ARHGEF3: variants seen among roughly 807,000 people sequenced by gnomAD.
The protein encoded by ARHGEF3 is 59.8 kDA protein.
Under a neutral mutation model 63.2 loss-of-function variants are expected in ARHGEF3, and 28 were observed. The observed-to-expected ratio is 0.44, with a 90% CI of 0.33 to 0.61. The LOEUF is 0.61. Among genes scored for constraint, ARHGEF3 ranks in the 20% least tolerant of loss-of-function variants. The pLI is 0.03. For missense variants in ARHGEF3, 533 were observed against 659.3 expected (o/e 0.81, Z 2.10); for synonymous variants, 266 against 254.2 (o/e 1.05, Z -0.44).
At chr3:56,915,084 G>C (rs1387294816) in intron 3 of ARHGEF3, among the ~76,000 whole-genome samples, 1 of 152,128 alleles carries the variant, frequency 6.6e-6, no homozygotes, top group East Asian at 1.9e-4. Flanking sequence ...GCTGGAATTA[G>C]GGTTACAGAA....
In ARHGEF3 at chr3:57,014,656, A is replaced by C. The variant is rs907743030; in HGVS notation, c.62+20432T>G. ...CAGTTAACATAGAAAGTAAAATTAC[A>C]AAAGCAAATATTTATAAAGCTTGTT... On this transcript the variant is annotated intron_variant, in intron 2 of 12. Transcript: ENST00000338458. 2.6e-5 allele frequency among the ~76,000 whole-genome samples: 4 copies of C among 151,244 alleles called. No homozygotes were observed. In the East Asian group the frequency reaches 7.8e-4, roughly 29 times the overall value.
intron 1 of ARHGEF3, among the ~76,000 whole-genome samples, chr3:56,801,329 C>T (rs577051276): frequency 6.6e-6 from 1 of 152,118 alleles, no homozygotes; most frequent in Non-Finnish European, 1.5e-5. Flanking sequence ...CTGACACTTC[C>T]CTGACACTGG....
chr3:56,951,471 C>T (rs1045247895), intron 3 of ARHGEF3, among the ~76,000 whole-genome samples: 1 of 151,872 alleles, frequency 6.6e-6, no homozygotes, highest in African/African-American at 2.4e-5. Flanking sequence ...TAATAGACTA[C>T]AGTATAGTGT....
chr3:56,744,377 C>T lies in ARHGEF3; in HGVS notation c.870+828G>A, dbSNP rs756308530. Among the ~76,000 whole-genome samples, 105 of 150,036 alleles carry T rather than the reference C, an allele frequency of 7.0e-4. 2 individuals are homozygous for T. The highest frequency in any genetic ancestry group is 5.4e-4 in the Admixed American group (8 of 14,754). ...GAAAAATATATATTTCCCAGATTACCCAGCCCACACTCAATAAACCTTTTT... is the reference window on the plus strand; with the variant it reads ...GAAAAATATATATTTCCCAGATTACTCAGCCCACACTCAATAAACCTTTTT... On this transcript the variant is annotated intron_variant, in intron 7 of 9. Coordinates refer to ENST00000296315, the MANE Select transcript of ARHGEF3 (RefSeq NM_019555.3).
At chr3:56,952,944 C>T (rs1189614986) in intron 3 of ARHGEF3, among the ~76,000 whole-genome samples, 2 of 152,156 alleles carry the variant, frequency 1.3e-5, no homozygotes, top group African/African-American at 2.4e-5. Flanking sequence ...TATACTCTAA[C>T]GGCCTGGGAA....
At chr3:56,988,220 C>T (rs1427140917) in intron 2 of ARHGEF3, among the ~76,000 whole-genome samples, 2 of 152,204 alleles carry the variant, frequency 1.3e-5, no homozygotes, top group Non-Finnish European at 2.9e-5. Context: ...GATCTTGGCT[C>T]ACTGCAACCT....
chr3:56,949,030 T>G (rs1030141291), intron 3 of ARHGEF3, among the ~76,000 whole-genome samples: 4 of 151,876 alleles, frequency 2.6e-5, no homozygotes, highest in African/African-American at 7.3e-5. Context: ...ACAAAAACCA[T>G]ATGATTATCT....
chr3:56,955,684 A>G (rs1007367434), intron 3 of ARHGEF3, among the ~76,000 whole-genome samples: 19 of 152,262 alleles, frequency 1.2e-4, no homozygotes, highest in African/African-American at 4.6e-4. Flanking sequence ...CAGCATGCAC[A>G]TCCTGGCCTA....
At chr3:56,778,385 C>A (rs1172901037) in intron 1 of ARHGEF3, among the ~76,000 whole-genome samples, 2 of 152,078 alleles carry the variant, frequency 1.3e-5, no homozygotes, top group Non-Finnish European at 2.9e-5. Context: ...CAGGGCCTGG[C>A]TAACTTTTTC....
intron 2 of ARHGEF3, among the ~76,000 whole-genome samples, chr3:57,031,951 TA>T (rs1196437643): frequency 6.6e-6 from 1 of 152,222 alleles, no homozygotes; most frequent in Non-Finnish European, 1.5e-5. Flanking sequence ...CTTCTGGCTC[TA>T]AATTTTTATG....
intron 3 of ARHGEF3, among the ~76,000 whole-genome samples, chr3:56,917,539 CTT>C (rs891353818): frequency 4.6e-5 from 7 of 152,144 alleles, no homozygotes; most frequent in African/African-American, 1.7e-4. Flanking sequence ...AAATCCAAGA[CTT>C]TTATGAGAAA....
chr3:56,982,858 C>T (rs549176952), intron 2 of ARHGEF3, among the ~76,000 whole-genome samples: 1 of 152,200 alleles, frequency 6.6e-6, no homozygotes, highest in African/African-American at 2.4e-5. Flanking sequence ...ACCGAGCAAA[C>T]ACTCCAGCAG....
At chr3:57,053,179 A>C (rs1196957292) in intron 1 of ARHGEF3, among the ~76,000 whole-genome samples, 1 of 152,186 alleles carries the variant, frequency 6.6e-6, no homozygotes, top group Non-Finnish European at 1.5e-5. Flanking sequence ...CACCAGAATT[A>C]AGAAAGGCCA....
chr3:57,054,638 C>CA (rs1179627459), intron 1 of ARHGEF3, among the ~76,000 whole-genome samples: 3 of 138,140 alleles, frequency 2.2e-5, no homozygotes, highest in South Asian at 2.4e-4. Flanking sequence ...GACCCCATCT[C>CA]AAAAATTTTT....
In ARHGEF3 at chr3:56,752,053, C is replaced by T. The variant is rs554590140; in HGVS notation, c.439-657G>A. ...TTTTAGTTTCTGATCTCATGGAAAA[C>T]TAAATCTATGTTTAAAAAATATTTT... is the stretch of plus-strand genomic sequence containing the variant. On this transcript the variant is annotated intron_variant, in intron 4 of 9. Coordinates refer to ENST00000296315, the MANE Select transcript of ARHGEF3 (RefSeq NM_019555.3). Among the ~76,000 whole-genome samples the T allele has an allele frequency of 2.6e-5, 4 of 150,972 alleles. No homozygotes were observed. In the South Asian group the frequency reaches 6.3e-4, roughly 24 times the overall value.
chr3:56,777,326 G>A (rs2036331264), intron 1 of ARHGEF3, among the ~76,000 whole-genome samples: 1 of 152,200 alleles, frequency 6.6e-6, no homozygotes. Flanking sequence ...CGGGTGGGAA[G>A]AAGGAAAGGA....
At chr3:56,845,792 T>C (rs1452063127) in intron 4 of ARHGEF3, among the ~76,000 whole-genome samples, 1 of 152,168 alleles carries the variant, frequency 6.6e-6, no homozygotes, top group Non-Finnish European at 1.5e-5. Flanking sequence ...CCAAACCCTG[T>C]AGGAAGGCCC....
chr3:57,013,552 C>A (rs28794014), intron 2 of ARHGEF3, among the ~76,000 whole-genome samples: 4,005 of 152,196 alleles, frequency 0.026, 172 homozygotes, highest in African/African-American at 0.091. Context: ...ATGCACCAAT[C>A]AGTTCTCCGT....
intron 4 of ARHGEF3, among the ~76,000 whole-genome samples, chr3:56,752,200 C>T (rs765384971): frequency 2.5e-4 from 38 of 150,308 alleles, no homozygotes; most frequent in Admixed American, 1.1e-3. Context: ...GGATTACAGG[C>T]GTGAGCCACA....
Sources: gnomAD v4.1 joint callset for allele counts (sites outside exome capture counted in the v4.1 genomes callset) on GRCh38, gnomAD v4.1.1 for gene constraint, MANE v1.5 for transcripts, NCBI Gene and HGNC (gene_info 2026-07-23, HGNC 2026-07-21) for gene names.